The following PDE10A variants were observed in gnomAD, a reference collection of about 807,000 sequenced individuals.
PDE10A encodes cAMP and cAMP-inhibited cGMP 3',5'-cyclic phosphodiesterase 10A.
PDE10A carries 39 observed loss-of-function variants against 97.7 expected under a neutral mutation model. The observed-to-expected ratio is 0.40, with a 90% CI of 0.31 to 0.52. PDE10A has a LOEUF of 0.52. PDE10A is among the 20% of genes least tolerant of loss of function. PDE10A has a pLI of 0.56. For missense variants in PDE10A, 731 were observed against 1,047.8 expected, an observed-to-expected ratio of 0.70 and a Z score of 4.17; for synonymous variants, 371 against 376.8, an observed-to-expected ratio of 0.98 and a Z score of 0.18.
intron 1 of PDE10A, among the ~76,000 whole-genome samples, chr6:165,597,036 T>G (rs912876380): frequency 6.6e-6 from 1 of 152,108 alleles, no homozygotes; most frequent in South Asian, 2.1e-4. Context: ...TTAATTAAAA[T>G]GGTAACTGCC....
Position 165,662,677 on chromosome 6 carries a change from C to T in PDE10A, c.135G>A (p.Ala45=), listed in dbSNP as rs1445753290. The T allele has an allele frequency of 1.4e-5, 2 of 143,978 alleles. No individual in the cohort carries two copies. The highest frequency in any genetic ancestry group is 2.5e-5 in the African/African-American group (1 of 40,158). 8.9% of individuals were successfully genotyped at this position (143,978 alleles called of 1,614,324 possible). A position where few individuals can be genotyped will look rare whatever the true frequency, so the allele number is the denominator to read the frequency against. The change falls in exon 1 of 22, where the codon GCG becomes GCA. Residue 45 remains alanine (A), a synonymous_variant. Coordinates refer to ENST00000539869, the MANE Select transcript of PDE10A (RefSeq NM_001385079.1). ...GCCACTCGGGGGCCGGGCCCGGGCC[C>T]GCCGCGCTCCCCCCGCCGGCCGCGC... ...RLSAAGGGSA[A]GPGPAPEWPG...
chr6:165,656,105 G>A (rs1355998616), intron 1 of PDE10A, among the ~76,000 whole-genome samples: 1 of 151,788 alleles, frequency 6.6e-6, no homozygotes, highest in Admixed American at 6.6e-5. Flanking sequence ...CCAGAGTGTG[G>A]GCACCATACA....
chr6:165,890,931 C>T (rs911187714), intron 1 of PDE10A, among the ~76,000 whole-genome samples: 44 of 152,360 alleles, frequency 2.9e-4, no homozygotes, highest in Non-Finnish European at 4.4e-5. Context: ...CTCATTATCC[C>T]CTGCCCAGGT....
chr6:165,790,916 G>A (rs905436596), intron 1 of PDE10A, among the ~76,000 whole-genome samples: 6 of 152,080 alleles, frequency 3.9e-5, no homozygotes, highest in African/African-American at 1.4e-4. Context: ...CATTACCGTT[G>A]ACTATACCTG....
chr6:165,512,269 A>G (rs1050676243), intron 2 of PDE10A, among the ~76,000 whole-genome samples: 2 of 151,818 alleles, frequency 1.3e-5, no homozygotes, highest in Admixed American at 6.6e-5. Flanking sequence ...TTCCTTGAAC[A>G]TTTCTTGTAG....
Position 165,987,636 on chromosome 6 carries a change from G to A in PDE10A, c.-722C>T, listed in dbSNP as rs146440008. ...AAAAGAAAAAAAAAGGCAAGGCGCC[G>A]GGAGCACAGTGGGTCCAGGGTTCCA... On this transcript the variant is annotated 5_prime_UTR_variant, in exon 1 of 20. Coordinates refer to the PDE10A transcript ENST00000366882. The A allele has an allele frequency of 2.8e-5, 12 of 433,352 alleles. 1 individual carries two copies. Among genetic ancestry groups the A allele is most frequent in the Middle Eastern group, 6.8e-4 (2 of 2,962 alleles). 26.8% of individuals were successfully genotyped at this position (433,352 alleles called of 1,614,324 possible).
chr6:165,851,014 C>T (rs73033987), intron 1 of PDE10A, among the ~76,000 whole-genome samples: 40 of 152,092 alleles, frequency 2.6e-4, no homozygotes, highest in Non-Finnish European at 5.0e-4. Context: ...ACTCTGCCTG[C>T]GTGTATAGGA....
chr6:165,961,871 C>T (rs1784370404), intron 1 of PDE10A, among the ~76,000 whole-genome samples: 1 of 152,240 alleles, frequency 6.6e-6, no homozygotes, highest in Non-Finnish European at 1.5e-5. Flanking sequence ...CTGGGCACAA[C>T]CTGCAGTAAA....
chr6:165,371,758 G>A (rs1400230884), intron 18 of PDE10A, among the ~76,000 whole-genome samples: 8 of 151,774 alleles, frequency 5.3e-5, no homozygotes, highest in African/African-American at 1.2e-4. Flanking sequence ...ACCAAAGCCG[G>A]GCAGAGACAC....
chr6:165,789,437 C>A (rs902647032), intron 1 of PDE10A, among the ~76,000 whole-genome samples: 1 of 152,136 alleles, frequency 6.6e-6, no homozygotes. Flanking sequence ...ATCTGTGAAG[C>A]CTATACATGA....
chr6:165,387,059 T>G lies in PDE10A; in HGVS notation c.2610+1239A>C, dbSNP rs185066172. 2.0e-5 allele frequency among the ~76,000 whole-genome samples: 3 copies of G among 152,062 alleles called. No individual in the cohort carries two copies. The East Asian group carries it at 5.8e-4, about 29-fold the overall frequency. Reference sequence around the variant, plus strand: ...TATGCTTGTTTTATGCCGGTATGTATGTATCTATGTAAACATATGTCATTT... The same window carrying G: ...TATGCTTGTTTTATGCCGGTATGTAGGTATCTATGTAAACATATGTCATTT... On this transcript the variant is annotated intron_variant, in intron 17 of 21. Coordinates refer to ENST00000539869, the MANE Select transcript of PDE10A (RefSeq NM_001385079.1).
chr6:165,481,186 T>A (rs550706464), intron 3 of PDE10A, among the ~76,000 whole-genome samples: 1 of 152,338 alleles, frequency 6.6e-6, no homozygotes, highest in South Asian at 2.1e-4. Context: ...GCATCACTTT[T>A]CAGCATTTTC....
At chr6:165,878,325 AGT>A (rs1781397429) in intron 1 of PDE10A, among the ~76,000 whole-genome samples, 1 of 152,214 alleles carries the variant, frequency 6.6e-6, no homozygotes, top group South Asian at 2.1e-4. Context: ...GATTTATGTA[AGT>A]GTGTTAAGAG....
intron 21 of PDE10A, among the ~76,000 whole-genome samples, chr6:165,333,702 C>T (rs1583052899): frequency 6.6e-6 from 1 of 152,198 alleles, no homozygotes; most frequent in Non-Finnish European, 1.5e-5. Flanking sequence ...AAGTCCTCAC[C>T]CGAGGCAGTC....
intron 1 of PDE10A, among the ~76,000 whole-genome samples, chr6:165,873,886 A>C (rs1781267054): frequency 6.6e-6 from 1 of 152,234 alleles, no homozygotes; most frequent in South Asian, 2.1e-4. Flanking sequence ...ATCATTTAAG[A>C]ATTTAAAGTA....
At chr6:165,899,676 A>G (rs7381453) in intron 1 of PDE10A, among the ~76,000 whole-genome samples, 56,973 of 152,130 alleles carry the variant, frequency 0.37, 11,411 homozygotes, top group East Asian at 0.66. Context: ...AAAGGGTGGT[A>G]CCTGGGGCCT....
At chr6:165,358,876 TAA>T (rs1008728125) in intron 18 of PDE10A, among the ~76,000 whole-genome samples, 64 of 151,742 alleles carry the variant, frequency 4.2e-4, no homozygotes, top group African/African-American at 1.5e-3. Context: ...AGGGAAACTG[TAA>T]AAAGAGCAAA....
rs1583684497 is a variant in PDE10A, at chr6:165,633,777, A to G, written c.865+28170T>C. On this transcript the variant is annotated intron_variant, in intron 1 of 21. Coordinates refer to ENST00000539869, the MANE Select transcript of PDE10A (RefSeq NM_001385079.1). ...CGAGCAGCTGGGACTACAGGTGTGCACCACCACGCCGGGCTAATTTTTTTT... is the reference window on the plus strand; with the variant it reads ...CGAGCAGCTGGGACTACAGGTGTGCGCCACCACGCCGGGCTAATTTTTTTT... Among the ~76,000 whole-genome samples the G allele has an allele frequency of 2.2e-5, 3 of 136,980 alleles. No individual in the cohort carries two copies. The South Asian group carries it at 7.1e-4, about 33-fold the overall frequency. The allele number at this position is 136,980 out of a possible 152,430, so 89.9% of individuals were successfully genotyped here.
intron 1 of PDE10A, among the ~76,000 whole-genome samples, chr6:165,831,478 C>CTTT (rs200237321): frequency 0.037 from 5,014 of 133,756 alleles, 402 homozygotes; most frequent in East Asian, 0.31. Flanking sequence ...TTGCAGGAGT[C>CTTT]TTTTTTTTTT....
Sources: allele counts gnomAD v4.1 joint callset (sites outside exome capture counted in the v4.1 genomes callset), GRCh38; gene constraint gnomAD v4.1.1; transcripts MANE v1.5; gene names NCBI Gene and HGNC (gene_info 2026-07-23, HGNC 2026-07-21).